GNAL: variants seen among roughly 807,000 people sequenced by gnomAD.
GNAL encodes guanine nucleotide-binding protein G(olf) subunit alpha.
A neutral mutation model predicts 55.1 loss-of-function variants in GNAL; 18 were observed. The ratio of observed to expected loss-of-function variants is 0.33; its 90% CI spans 0.23 to 0.48. GNAL has a LOEUF of 0.48. GNAL is among the 20% of genes least tolerant of loss of function. The pLI is 0.99. For synonymous variants in GNAL, 253 were observed against 237.0 expected, an observed-to-expected ratio of 1.07 and a Z score of -0.62; for missense variants, 412 against 614.1, an observed-to-expected ratio of 0.67 and a Z score of 3.48.
At chr18:11,761,825 T>C (rs2033253298) in intron 4 of GNAL, among the ~76,000 whole-genome samples, 1 of 152,230 alleles carries the variant, frequency 6.6e-6, no homozygotes, top group African/African-American at 2.4e-5. Context: ...AATAAATACT[T>C]CACAAATAGT....
At chr18:11,835,311 A>T (rs1340424127) in intron 5 of GNAL, among the ~76,000 whole-genome samples, 1 of 151,784 alleles carries the variant, frequency 6.6e-6, no homozygotes, top group Non-Finnish European at 1.5e-5. Context: ...ACATGGATAG[A>T]TCTGTGATTT....
At chr18:11,726,399 ATGCCAC>A (rs1247942659) in intron 1 of GNAL, among the ~76,000 whole-genome samples, 11 of 152,206 alleles carry the variant, frequency 7.2e-5, no homozygotes, top group African/African-American at 2.7e-4. Flanking sequence ...TAAACAGCAA[ATGCCAC>A]TGCTTATTAA....
intron 1 of GNAL, among the ~76,000 whole-genome samples, chr18:11,742,012 A>G (rs943476346): frequency 3.3e-5 from 5 of 152,168 alleles, no homozygotes; most frequent in Admixed American, 6.5e-5. Context: ...TGTACCCGTT[A>G]AACACTAACT....
At chr18:11,771,940 C>G (rs777671598) in intron 4 of GNAL, among the ~76,000 whole-genome samples, 5 of 152,078 alleles carry the variant, frequency 3.3e-5, no homozygotes, top group Admixed American at 2.6e-4. Context: ...AGCCTGGTCT[C>G]GAACTCCTGA....
chr18:11,719,885 G>A (rs2032055637), intron 1 of GNAL, among the ~76,000 whole-genome samples: 1 of 152,254 alleles, frequency 6.6e-6, no homozygotes, highest in Admixed American at 6.5e-5. Context: ...ATAGCAGCAT[G>A]TGTGTGTGCC....
intron 5 of GNAL, chr18:11,851,452 C>A (rs1282226737): frequency 1.4e-6 from 2 of 1,470,548 alleles, no homozygotes; most frequent in East Asian, 2.5e-5. Flanking sequence ...ACTTACCTTA[C>A]CTTCTCTGCC....
At chr18:11,865,628 A>AC (rs1240448657) in intron 7 of GNAL, among the ~76,000 whole-genome samples, 2 of 146,048 alleles carry the variant, frequency 1.4e-5, no homozygotes, top group African/African-American at 5.4e-5. Context: ...GATGGCATAC[A>AC]CCTGTGGTCC....
intron 5 of GNAL, chr18:11,852,223 G>A (rs1233505327): frequency 1.5e-6 from 2 of 1,335,754 alleles, no homozygotes; most frequent in Admixed American, 5.8e-5. Flanking sequence ...ATGCTGAAAT[G>A]CCCTTCTACC....
At chr18:11,742,515 C>T (rs1598423286) in intron 1 of GNAL, among the ~76,000 whole-genome samples, 1 of 152,226 alleles carries the variant, frequency 6.6e-6, no homozygotes, top group Non-Finnish European at 1.5e-5. Flanking sequence ...GTTCGGCATC[C>T]GCTATGCTGC....
chr18:11,847,509 A>G (rs2143764784), intron 5 of GNAL, among the ~76,000 whole-genome samples: 1 of 152,200 alleles, frequency 6.6e-6, no homozygotes, highest in African/African-American at 2.4e-5. Context: ...ATTATTTCAA[A>G]GTAAGGAAAG....
intron 1 of GNAL, among the ~76,000 whole-genome samples, chr18:11,713,272 G>A (rs1225439528): frequency 1.3e-5 from 2 of 152,206 alleles, no homozygotes; most frequent in Non-Finnish European, 2.9e-5. Context: ...CAGATGAGTG[G>A]GAAAGCTTTT....
intron 10 of GNAL, chr18:11,874,264 C>T (rs1381219496): frequency 6.6e-6 from 1 of 152,296 alleles, no homozygotes; most frequent in Non-Finnish European, 1.5e-5. Context: ...TCTGCAGCAC[C>T]TGCTGGAAGC....
intron 5 of GNAL, among the ~76,000 whole-genome samples, chr18:11,851,094 G>C (rs994281886): frequency 6.6e-6 from 1 of 152,200 alleles, no homozygotes; most frequent in South Asian, 2.1e-4. Context: ...TTGGAGCGTG[G>C]GTAATTTTAC....
intron 5 of GNAL, among the ~76,000 whole-genome samples, chr18:11,859,757 T>A (rs2036088915): frequency 6.6e-6 from 1 of 152,064 alleles, no homozygotes; most frequent in Non-Finnish European, 1.5e-5. Flanking sequence ...TTCTTTTTTT[T>A]TTTTTTGAGA....
chr18:11,885,369 T>C lies in GNAL; in HGVS notation c.*4234T>C. 2.9e-6 allele frequency: 1 copy of C among 344,084 alleles called. No homozygotes were observed. The allele number at this position is 344,084 out of a possible 1,614,324, so 21.3% of individuals were successfully genotyped here. On this transcript the variant is annotated 3_prime_UTR_variant, in exon 12 of 12. Coordinates refer to ENST00000334049, the MANE Select transcript of GNAL (RefSeq NM_182978.4). ...CTGAGTATAGCTAATGAATAAATGGTTGTTTCTTTAGAAAATTAAACACAC... is the reference window on the plus strand; with the variant it reads ...CTGAGTATAGCTAATGAATAAATGGCTGTTTCTTTAGAAAATTAAACACAC...
At chr18:11,753,567 C>A in intron 2 of GNAL, 61 bp from the exon 3 acceptor site, 4 of 1,057,578 alleles carry the variant, frequency 3.8e-6, no homozygotes, top group South Asian at 1.3e-5. Context: ...AAATCCCACT[C>A]AATTGATTGG....
chr18:11,748,833 T>C (rs1412647146), intron 1 of GNAL, among the ~76,000 whole-genome samples: 1 of 152,062 alleles, frequency 6.6e-6, no homozygotes, highest in African/African-American at 2.4e-5. Context: ...CACAGACACA[T>C]ACATTTTCTG....
At chr18:11,749,082 T>C (rs940030410) in intron 1 of GNAL, among the ~76,000 whole-genome samples, 7 of 139,424 alleles carry the variant, frequency 5.0e-5, no homozygotes, top group Non-Finnish European at 9.0e-5. Context: ...GCTGAGATCA[T>C]GCCATGGCAC....
At chr18:11,825,862 C>T (rs557529722) in intron 5 of GNAL, among the ~76,000 whole-genome samples, 1 of 151,532 alleles carries the variant, frequency 6.6e-6, no homozygotes, top group East Asian at 1.9e-4. Context: ...AAATAATGGT[C>T]CTTAGAACAA....
Sources: gnomAD v4.1 joint callset for allele counts (sites outside exome capture counted in the v4.1 genomes callset) on GRCh38, gnomAD v4.1.1 for gene constraint, MANE v1.5 for transcripts, NCBI Gene and HGNC (gene_info 2026-07-23, HGNC 2026-07-21) for gene names.